CACNG7: variants seen among roughly 807,000 people sequenced by gnomAD.
CACNG7 encodes the protein voltage-dependent calcium channel gamma-7 subunit.
Under a neutral mutation model 26.3 loss-of-function variants are expected in CACNG7, and 9 were observed. The ratio of observed to expected loss-of-function variants is 0.34; its 90% CI spans 0.21 to 0.60. The LOEUF (loss-of-function observed/expected upper bound fraction) is 0.60, where lower values mean the gene tolerates loss of function less well. Ranked by LOEUF, CACNG7 falls within the 20% of genes least tolerant of loss-of-function variation. The pLI is 0.81. For missense variants in CACNG7, 297 were observed against 380.4 expected, an observed-to-expected ratio of 0.78 and a Z score of 1.82; for synonymous variants, 170 against 157.0, an observed-to-expected ratio of 1.08 and a Z score of -0.62.
intron 4 of CACNG7, among the ~76,000 whole-genome samples, chr19:53,928,446 T>C (rs960962207): frequency 2.0e-5 from 3 of 151,992 alleles, no homozygotes; most frequent in Non-Finnish European, 4.4e-5. Flanking sequence ...TAATTTTTTT[T>C]TGTATTTTTG....
At position 53,917,958 on chromosome 19, in the gene CACNG7, G is replaced by A. The variant is rs534734771; in HGVS notation, c.424+2453G>A. Among the ~76,000 whole-genome samples the A allele has an allele frequency of 2.0e-5, 3 of 152,290 alleles. No individual in the cohort carries two copies. The East Asian group carries it at 5.8e-4, about 29-fold the overall frequency. On this transcript the variant is annotated intron_variant, in intron 4 of 5. Coordinates refer to ENST00000391767, the MANE Select transcript of CACNG7 (RefSeq NM_031896.5). ...GTCATGCTGAGGATCAGTGGTGCAG[G>A]CAGGCTGGAAGTCACGTCTCTAGGG...
rs148066606 is a variant in CACNG7, at chr19:53,929,813, G to C, written c.425-11657G>C. Among the ~76,000 whole-genome samples, 716 of 152,234 alleles carry C rather than the reference G, an allele frequency of 4.7e-3. 8 individuals are homozygous for C. The highest frequency in any genetic ancestry group is 0.016 in the African/African-American group (679 of 41,534). ...GTTGAAAGTGTTATGGAAGTTCAGA[G>C]CAAGGGAAAAGTTAATTCTTGGAAG... On this transcript the variant is annotated intron_variant, in intron 4 of 5. Coordinates refer to ENST00000391767, the MANE Select transcript of CACNG7 (RefSeq NM_031896.5).
At chr19:53,927,348 A>G (rs957720607) in intron 4 of CACNG7, among the ~76,000 whole-genome samples, 1 of 152,212 alleles carries the variant, frequency 6.6e-6, no homozygotes, top group Non-Finnish European at 1.5e-5. Flanking sequence ...AGTCTTGCAT[A>G]TTCTAAGAAA....
Position 53,942,166 on chromosome 19 carries a change from C to T in CACNG7, c.701C>T (p.Pro234Leu). 1 of 1,614,056 alleles carries T rather than the reference C, an allele frequency of 6.2e-7. No homozygotes were observed. Among genetic ancestry groups the T allele is most frequent in the Non-Finnish European group, 8.5e-7 (1 of 1,179,964 alleles). ...GACTACTCGGGCCAGTTCCTGCAGC[C>T]CGAGGCGTGGCGCCGCGGCCGGAGC... Reference protein sequence around the residue: ...CSDYSGQFLQPEAWRRGRSPS... With the variant: ...CSDYSGQFLQLEAWRRGRSPS... The change falls in exon 6 of 6, where the codon CCC becomes CTC. Residue 234 changes from proline (P) to leucine (L), a missense_variant. Pro to Leu is a moderately conservative substitution (Grantham distance 98). Coordinates refer to ENST00000391767, the MANE Select transcript of CACNG7 (RefSeq NM_031896.5). This position sits in a 1 kb window ranked among gnomAD's most constrained non-coding sequence, Gnocchi z 5.9.
chr19:53,932,451 T>C (rs1249629006), intron 4 of CACNG7, among the ~76,000 whole-genome samples: 2 of 150,582 alleles, frequency 1.3e-5, no homozygotes, highest in Non-Finnish European at 2.9e-5. Flanking sequence ...GATTCACAGA[T>C]ATTTCAGTAT....
At chr19:53,938,324 G>C (rs1244620151) in intron 4 of CACNG7, among the ~76,000 whole-genome samples, 1 of 152,066 alleles carries the variant, frequency 6.6e-6, no homozygotes, top group Non-Finnish European at 1.5e-5. Flanking sequence ...CTCCTGCCTG[G>C]ACAACAGAGC....
Position 53,941,628 on chromosome 19 carries a change from G to A in CACNG7, c.570+13G>A, listed in dbSNP as rs2069137985. 1.9e-6 allele frequency: 3 copies of A among 1,609,068 alleles called. No individual in the cohort carries two copies. Among genetic ancestry groups the A allele is most frequent in the African/African-American group, 1.3e-5 (1 of 74,528 alleles). On this transcript the variant is annotated intron_variant, in intron 5 of 5. Transcript: ENST00000391767. ...CCTACTCAAAGAGGTGACGTCCGTG[G>A]GACCTAGACTCTAGAGTTCTGAATG... is the stretch of plus-strand genomic sequence containing the variant.
In CACNG7 at chr19:53,942,668, C is replaced by G; in HGVS notation, c.*375C>G. 3 of 833,274 alleles carry G rather than the reference C, an allele frequency of 3.6e-6. No individual in the cohort carries two copies. Among genetic ancestry groups the G allele is most frequent in the Non-Finnish European group, 4.5e-6 (3 of 660,784 alleles). The allele number at this position is 833,274 out of a possible 1,614,324, so 51.6% of individuals were successfully genotyped here. A position where few individuals can be genotyped will look rare whatever the true frequency, so the allele number is the denominator to read the frequency against. On this transcript the variant is annotated 3_prime_UTR_variant, in exon 6 of 6. Transcript: ENST00000391767. This position sits in a 1 kb window ranked among gnomAD's most constrained non-coding sequence, Gnocchi z 5.9. Reference sequence around the variant, plus strand: ...CGCCCAGCTCCCCAGAGCTCCCCAACCTCGGACCTCACCGCAGGGGCGCTG... The same window carrying G: ...CGCCCAGCTCCCCAGAGCTCCCCAAGCTCGGACCTCACCGCAGGGGCGCTG...
chr19:53,924,123 A>T lies in CACNG7; in HGVS notation c.424+8618A>T, dbSNP rs540150715. ...GTCTGGGTATTGGTGGACTTGCCCC[A>T]GGTCTGGTTATTGGTGGACTTGCCC... On this transcript the variant is annotated intron_variant, in intron 4 of 5. Transcript: ENST00000391767. Among the ~76,000 whole-genome samples, 17 of 138,734 alleles carry T rather than the reference A, an allele frequency of 1.2e-4. No homozygotes were observed. The East Asian group carries it at 3.5e-3, about 29-fold the overall frequency. The allele number at this position is 138,734 out of a possible 152,430, so 91.0% of individuals were successfully genotyped here. A position where few individuals can be genotyped will look rare whatever the true frequency, so the allele number is the denominator to read the frequency against.
At position 53,940,081 on chromosome 19, in the gene CACNG7, T is replaced by C. The variant is rs2069128249; in HGVS notation, c.425-1389T>C. 6.6e-6 allele frequency among the ~76,000 whole-genome samples: 1 copy of C among 151,904 alleles called. No individual in the cohort carries two copies. The highest frequency in any genetic ancestry group is 2.1e-4 in the South Asian group (1 of 4,800). Reference sequence around the variant, plus strand: ...GAATGTAGGATTCTAGGGGAAGAGGTTGATAGGGATTAGTTAGATACATTT... The same window carrying C: ...GAATGTAGGATTCTAGGGGAAGAGGCTGATAGGGATTAGTTAGATACATTT... On this transcript the variant is annotated intron_variant, in intron 4 of 5. Coordinates refer to ENST00000391767, the MANE Select transcript of CACNG7 (RefSeq NM_031896.5). This position sits in a 1 kb window ranked among gnomAD's most constrained non-coding sequence, Gnocchi z 4.1.
At chr19:53,935,936 T>G (rs1360029570) in intron 4 of CACNG7, among the ~76,000 whole-genome samples, 1 of 152,096 alleles carries the variant, frequency 6.6e-6, no homozygotes, top group African/African-American at 2.4e-5. Context: ...CCACCACGCC[T>G]GGCCTAATGC....
At chr19:53,935,590 T>G (rs1036042808) in intron 4 of CACNG7, among the ~76,000 whole-genome samples, 3 of 150,036 alleles carry the variant, frequency 2.0e-5, no homozygotes, top group African/African-American at 7.4e-5. Flanking sequence ...CCCAAACTAC[T>G]GGGATTATAG....
chr19:53,921,983 G>GT (rs370802920), intron 4 of CACNG7, among the ~76,000 whole-genome samples: 15 of 65,320 alleles, frequency 2.3e-4, no homozygotes, highest in Non-Finnish European at 3.3e-4. Flanking sequence ...TGGTGGAGTT[G>GT]CCCCAGGCCT....
In CACNG7 at chr19:53,942,649, G is replaced by C; in HGVS notation, c.*356G>C. 1 of 966,626 alleles carries C rather than the reference G, an allele frequency of 1.0e-6. No individual in the cohort carries two copies. Among genetic ancestry groups the C allele is most frequent in the Non-Finnish European group, 1.3e-6 (1 of 771,812 alleles). 59.9% of individuals were successfully genotyped at this position (966,626 alleles called of 1,614,324 possible). ...CAGCCAGAGGCGGTGCAAGCGCCCA[G>C]CTCCCCAGAGCTCCCCAACCTCGGA... On this transcript the variant is annotated 3_prime_UTR_variant, in exon 6 of 6. Transcript: ENST00000391767. This position sits in a 1 kb window ranked among gnomAD's most constrained non-coding sequence, Gnocchi z 5.9.
chr19:53,914,916 C>T (rs1276875221), intron 3 of CACNG7, among the ~76,000 whole-genome samples: 1 of 151,462 alleles, frequency 6.6e-6, no homozygotes, highest in Non-Finnish European at 1.5e-5. Flanking sequence ...GCAGGAGAAT[C>T]GCTTGAACCT....
At chr19:53,932,839 T>C (rs2069081887) in intron 4 of CACNG7, among the ~76,000 whole-genome samples, 2 of 150,874 alleles carry the variant, frequency 1.3e-5, no homozygotes, top group African/African-American at 2.4e-5. Flanking sequence ...CTCTCCTTTT[T>C]TTTTTTTTTT....
In CACNG7 at chr19:53,942,573, C is replaced by T; in HGVS notation, c.*280C>T. Reference sequence around the variant, plus strand: ...CCGCCCCTTTCCTCTGGCCCCTCCTCTCCAAGAAAATTAGCTCCTCCCTCG... The same window carrying T: ...CCGCCCCTTTCCTCTGGCCCCTCCTTTCCAAGAAAATTAGCTCCTCCCTCG... On this transcript the variant is annotated 3_prime_UTR_variant, in exon 6 of 6. Transcript: ENST00000391767. The surrounding 1 kb of genome is among the most constrained non-coding windows in gnomAD (Gnocchi z 5.9). 1.7e-5 allele frequency: 23 copies of T among 1,333,768 alleles called. No homozygotes were observed. Among genetic ancestry groups the T allele is most frequent in the South Asian group, 1.2e-4 (6 of 48,064 alleles). 82.6% of individuals were successfully genotyped at this position (1,333,768 alleles called of 1,614,324 possible).
At chr19:53,928,100 T>A (rs776806291) in intron 4 of CACNG7, among the ~76,000 whole-genome samples, 5 of 151,728 alleles carry the variant, frequency 3.3e-5, no homozygotes, top group Non-Finnish European at 5.9e-5. Context: ...GAAAATAAGG[T>A]TATTTTTGGA....
chr19:53,924,658 C>T (rs866282606), intron 4 of CACNG7, among the ~76,000 whole-genome samples: 9 of 149,872 alleles, frequency 6.0e-5, no homozygotes, highest in African/African-American at 2.0e-4. Context: ...TGGAGTTGTC[C>T]GAGGTCTGGT....
Sources: allele counts gnomAD v4.1 joint callset (sites outside exome capture counted in the v4.1 genomes callset), GRCh38; gene constraint gnomAD v4.1.1; non-coding constraint Gnocchi (gnomAD v3.1); transcripts MANE v1.5; gene names NCBI Gene and HGNC (gene_info 2026-07-23, HGNC 2026-07-21).